SPTBN5: variants seen among roughly 807,000 people sequenced by gnomAD.
SPTBN5 encodes spectrin beta, non-erythrocytic 5.
SPTBN5 carries 513 observed loss-of-function variants against 477.6 expected under a neutral mutation model. The ratio of observed to expected loss-of-function variants is 1.07; its 90% CI spans 1.00 to 1.16. The LOEUF (loss-of-function observed/expected upper bound fraction) is 1.16. SPTBN5 is among the 50% of genes most tolerant of loss of function. The probability of loss-of-function intolerance (pLI) is 0.00; values close to 1 mark genes in which losing one functional copy is unlikely to be tolerated. For synonymous variants in SPTBN5, 2,169 were observed against 2,011.7 expected, an observed-to-expected ratio of 1.08 and a Z score of -2.09; for missense variants, 5,062 against 4,731.8, an observed-to-expected ratio of 1.07 and a Z score of -2.05.
chr15:41,866,540 C>A, intron 36 of SPTBN5, 47 bp from the exon 37 acceptor site: 1 of 1,476,308 alleles, frequency 6.8e-7, no homozygotes, highest in Non-Finnish European at 8.9e-7. Context: ...CAGCCTCAGG[C>A]CCCAGACGCC....
At chr15:41,886,596 C>T (rs1161476590) in intron 6 of SPTBN5, among the ~76,000 whole-genome samples, 1 of 152,226 alleles carries the variant, frequency 6.6e-6, no homozygotes, top group African/African-American at 2.4e-5. Context: ...ATCCTGCCTT[C>T]TTCCTCTTGT....
intron 16 of SPTBN5, among the ~76,000 whole-genome samples, chr15:41,878,876 G>T (rs2066843147): frequency 6.6e-6 from 1 of 152,164 alleles, no homozygotes. Flanking sequence ...GACCATCCCG[G>T]CTAAAACGGT....
At chr15:41,865,775 A>G (rs1455102719) in intron 39 of SPTBN5, 33 bp downstream of exon 39, 2 of 1,536,280 alleles carry the variant, frequency 1.3e-6, no homozygotes, top group African/African-American at 2.7e-5. Flanking sequence ...TGCGGGATGC[A>G]TGGCCAACCT....
At chr15:41,876,306 T>C in intron 20 of SPTBN5, 22 bp from the exon 21 acceptor site, 1 of 1,527,924 alleles carries the variant, frequency 6.5e-7, no homozygotes, top group Non-Finnish European at 8.8e-7. Context: ...CAGGCGAGAG[T>C]GGGTCTCAGA....
chr15:41,864,126 G>C (rs1409378905), intron 39 of SPTBN5, 102 bp from the exon 40 acceptor site: 1 of 974,830 alleles, frequency 1.0e-6, no homozygotes, highest in Non-Finnish European at 1.5e-6. Context: ...CGGAGCATGA[G>C]GAACTGCATA....
intron 26 of SPTBN5, 112 bp from the exon 27 acceptor site, chr15:41,872,571 C>A: frequency 2.6e-6 from 3 of 1,162,532 alleles, no homozygotes; most frequent in Non-Finnish European, 3.6e-6. Context: ...ACCACTCACA[C>A]GCCCATCCAT....
In SPTBN5 at chr15:41,877,460, CACTGAATGTGAT is replaced by C. The variant is rs2066781935; in HGVS notation, c.3471-116_3471-105del. ...CACGCATCTTGGATCATGAATGAGACACTGAATGTGATAGGCCCAGCAGAGTGCTTAGGGTGC... is the reference window on the plus strand; with the variant it reads ...CACGCATCTTGGATCATGAATGAGACAGGCCCAGCAGAGTGCTTAGGGTGC... On this transcript the variant is annotated intron_variant, in intron 17 of 67. Transcript: ENST00000320955. 1.7e-5 allele frequency: 24 copies of C among 1,447,524 alleles called. No homozygotes were observed. The South Asian group carries it at 3.0e-4, about 18-fold the overall frequency. 89.7% of individuals were successfully genotyped at this position (1,447,524 alleles called of 1,614,324 possible). A position where few individuals can be genotyped will look rare whatever the true frequency, so the allele number is the denominator to read the frequency against.
At chr15:41,853,167 G>A in intron 59 of SPTBN5, 91 bp downstream of exon 59, 1 of 1,507,770 alleles carries the variant, frequency 6.6e-7, no homozygotes, top group Non-Finnish European at 8.9e-7. Context: ...TTCCTTTCCT[G>A]CTGGTTTCCA....
chr15:41,893,132 G>A (rs2067366248), intron 2 of SPTBN5, 71 bp from the exon 3 acceptor site: 1 of 1,579,852 alleles, frequency 6.3e-7, no homozygotes, highest in Non-Finnish European at 8.6e-7. Context: ...GGACCTGAGA[G>A]GTACGACCCA....
At chr15:41,863,616 G>A in intron 41 of SPTBN5, 88 bp downstream of exon 41, 1 of 1,037,700 alleles carries the variant, frequency 9.6e-7, no homozygotes, top group Non-Finnish European at 1.5e-6. Flanking sequence ...CCAGTGAGGG[G>A]GGAGACGCAT....
intron 26 of SPTBN5, 120 bp downstream of exon 26, chr15:41,873,372 C>G (rs2066608617): frequency 1.3e-6 from 1 of 763,518 alleles, no homozygotes; most frequent in South Asian, 1.8e-5. Flanking sequence ...ATGGGGCTGT[C>G]TGTGTCTCCA....
In SPTBN5 at chr15:41,868,138, C is replaced by A. The variant is rs1263461606; in HGVS notation, c.6138G>T (p.Gln2046His). 6 of 1,595,832 alleles carry A rather than the reference C, an allele frequency of 3.8e-6. No individual in the cohort carries two copies. The highest frequency in any genetic ancestry group is 5.1e-6 in the Non-Finnish European group (6 of 1,172,524). The part of the protein sequence containing the change: ...QTWARKQERL[Q>H]AEQQEQLFLR... ...GGAAGAGCTGCTCCTGCTGCTCGGC[C>A]TGCAGCCTCTCTTGCTTCCGTGCCC... The change falls in exon 34 of 68, where the codon CAG becomes CAT. Residue 2046 changes from glutamine (Q) to histidine (H), a missense_variant. Gln to His is a conservative substitution (Grantham distance 24). Transcript: ENST00000320955.
chr15:41,850,155 T>C (rs1414871846), intron 66 of SPTBN5, 196 bp from the exon 67 acceptor site: 2 of 584,526 alleles, frequency 3.4e-6, no homozygotes, highest in Admixed American at 3.0e-5. Context: ...GTCCTGCCTC[T>C]TAGGAAACTC....
chr15:41,867,448 C>T (rs2066364394), intron 35 of SPTBN5, 90 bp downstream of exon 35: 1 of 1,270,394 alleles, frequency 7.9e-7, no homozygotes, highest in African/African-American at 1.5e-5. Flanking sequence ...GCACTGCCTC[C>T]AGGAACACAC....
Position 41,878,414 on chromosome 15 carries a change from T to C in SPTBN5, c.3398A>G (p.Asp1133Gly). 1 of 1,613,740 alleles carries C rather than the reference T, an allele frequency of 6.2e-7. No homozygotes were observed. The highest frequency in any genetic ancestry group is 8.5e-7 in the Non-Finnish European group (1 of 1,179,874). The stretch of plus-strand genomic sequence containing the variant: ...CAGCAGCCGCTGAGCCGAGGCCACA[T>C]CCACTGACACCTCCTTGCTGCGCAG... ...AQLRSKEVSV[D>G]VASAQRLLRE... Residue 1133 changes from aspartate (D) to glycine (G), a missense_variant, in exon 17 of 68, where the codon GAT (aspartate) becomes GGT (glycine). By Grantham distance (94) the Asp-to-Gly change is moderately conservative (BLOSUM62 -1). Coordinates refer to ENST00000320955, the MANE Select transcript of SPTBN5 (RefSeq NM_016642.4).
At position 41,862,294 on chromosome 15, in the gene SPTBN5, T is replaced by C. The variant is rs538933027; in HGVS notation, c.7386-2A>G. 11 of 1,595,414 alleles carry C rather than the reference T, an allele frequency of 6.9e-6. No individual in the cohort carries two copies. Among genetic ancestry groups the C allele is most frequent in the Admixed American group, 1.7e-5 (1 of 58,722 alleles). On this transcript the variant is annotated splice_acceptor_variant, in intron 43 of 67. Coordinates refer to ENST00000320955, the MANE Select transcript of SPTBN5 (RefSeq NM_016642.4). LOFTEE classifies it high-confidence loss of function. ...TGCAAGGCATCCAGCGCCTCCCTCC[T>C]GCCCACAGCGCTCATCAGCTAGTCG...
Position 41,853,368 on chromosome 15 carries a change from C to T in SPTBN5, c.10060G>A (p.Gly3354Arg), listed in dbSNP as rs1370305008. ...TCTTGCCCCAGCTCTTCATGCTGCCCAAGGAGCTGCTCAGCCCCCGCCACG... is the reference window on the plus strand; with the variant it reads ...TCTTGCCCCAGCTCTTCATGCTGCCTAAGGAGCTGCTCAGCCCCCGCCACG... ...EDVAGAEQLL[G>R]QHEELGQEIR... is the part of the protein sequence containing the mutation. The change falls in exon 59 of 68, where the codon GGG becomes AGG. Residue 3354 changes from glycine (G) to arginine (R), a missense_variant. Gly to Arg is a moderately radical substitution (Grantham distance 125). Coordinates refer to ENST00000320955, the MANE Select transcript of SPTBN5 (RefSeq NM_016642.4). 1 of 1,611,956 alleles carries T rather than the reference C, an allele frequency of 6.2e-7. No individual in the cohort carries two copies. The highest frequency in any genetic ancestry group is 1.3e-5 in the African/African-American group (1 of 75,044).
intron 64 of SPTBN5, 52 bp downstream of exon 64, chr15:41,851,231 G>A: frequency 6.4e-7 from 1 of 1,559,598 alleles, no homozygotes; most frequent in Non-Finnish European, 8.7e-7. Context: ...GGGCCCCTCT[G>A]CCTTGCTTCC....
At chr15:41,884,644 A>G (rs1189353646) in intron 7 of SPTBN5, among the ~76,000 whole-genome samples, 3 of 152,116 alleles carry the variant, frequency 2.0e-5, no homozygotes, top group Non-Finnish European at 4.4e-5. Flanking sequence ...CAAAAGTCAG[A>G]TTGTGTCACT....
Sources: allele counts gnomAD v4.1 joint callset (sites outside exome capture counted in the v4.1 genomes callset), GRCh38; gene constraint gnomAD v4.1.1; transcripts MANE v1.5; gene names NCBI Gene and HGNC (gene_info 2026-07-23, HGNC 2026-07-21).